Variants in CPNE4 observed in about 807,000 individuals in gnomAD.
CPNE4 encodes the protein copine-4.
A neutral mutation model predicts 67.9 loss-of-function variants in CPNE4; 25 were observed. The ratio of observed to expected loss-of-function variants is 0.37; its 90% CI spans 0.27 to 0.51. The LOEUF (loss-of-function observed/expected upper bound fraction) is 0.51, where lower values mean the gene tolerates loss of function less well. CPNE4 is among the 20% of genes least tolerant of loss of function. CPNE4 has a pLI of 0.93. For missense variants in CPNE4, 464 were observed against 690.8 expected (o/e 0.67, Z 3.68); for synonymous variants, 242 against 244.9 (o/e 0.99, Z 0.11).
intron 2 of CPNE4, among the ~76,000 whole-genome samples, chr3:131,760,138 T>A (rs1248611629): frequency 6.6e-6 from 1 of 152,214 alleles, no homozygotes; most frequent in Non-Finnish European, 1.5e-5. Flanking sequence ...CCATCATTAC[T>A]GGAATGCCAT....
intron 2 of CPNE4, among the ~76,000 whole-genome samples, chr3:131,746,598 G>A (rs1401434219): frequency 6.6e-6 from 1 of 152,146 alleles, no homozygotes; most frequent in Non-Finnish European, 1.5e-5. Flanking sequence ...ACAAATGACA[G>A]AAATTCATTC....
intron 1 of CPNE4, among the ~76,000 whole-genome samples, chr3:131,947,244 G>C (rs2071579186): frequency 6.6e-6 from 1 of 152,008 alleles, no homozygotes; most frequent in Non-Finnish European, 1.5e-5. Flanking sequence ...TATTTTTTAA[G>C]TTCTGGGAAA....
At chr3:131,872,490 T>A (rs1381236666) in intron 2 of CPNE4, among the ~76,000 whole-genome samples, 1 of 152,320 alleles carries the variant, frequency 6.6e-6, no homozygotes, top group East Asian at 1.9e-4. Context: ...TCAGCCTGTT[T>A]GTTCTACTCA....
chr3:132,011,854 A>T (rs1334279999), intron 1 of CPNE4, among the ~76,000 whole-genome samples: 2 of 152,178 alleles, frequency 1.3e-5, no homozygotes, highest in Non-Finnish European at 2.9e-5. Flanking sequence ...TTCTACAGGC[A>T]ACCTTATTAC....
At chr3:131,838,656 G>A (rs1044761809) in intron 2 of CPNE4, among the ~76,000 whole-genome samples, 2 of 151,308 alleles carry the variant, frequency 1.3e-5, no homozygotes, top group Non-Finnish European at 3.0e-5. Flanking sequence ...ACCTATATAA[G>A]AATCTCATAG....
chr3:131,846,859 T>A (rs1195390985), intron 2 of CPNE4, among the ~76,000 whole-genome samples: 1 of 152,196 alleles, frequency 6.6e-6, no homozygotes, highest in African/African-American at 2.4e-5. Flanking sequence ...AGGGCTTCCT[T>A]GCAGCATGAC....
In CPNE4 at chr3:131,699,916, G is replaced by C; in HGVS notation, c.425C>G (p.Ser142Cys). The C allele has an allele frequency of 6.2e-7, 1 of 1,613,050 alleles. No individual in the cohort carries two copies. Among genetic ancestry groups the C allele is most frequent in the African/African-American group, 1.3e-5 (1 of 75,036 alleles). The change falls in exon 4 of 16, where the codon TCC becomes TGC. Residue 142 changes from serine (S) to cysteine (C), a missense_variant. Physicochemically the swap from Ser to Cys is moderately radical, Grantham distance 112. Coordinates refer to ENST00000429747, the MANE Select transcript of CPNE4 (RefSeq NM_130808.3). ...LKHGNTAGKS[S>C]ITVIAEELSG... ...TAGGGAGTGCCTGCTTACCGTGATG[G>C]AAGATTTCCCTGCTGTGTTCCCATG...
At chr3:132,030,876 C>T (rs1209604591) in intron 1 of CPNE4, among the ~76,000 whole-genome samples, 3 of 152,106 alleles carry the variant, frequency 2.0e-5, no homozygotes, top group Non-Finnish European at 4.4e-5. Flanking sequence ...GAGTTTAACA[C>T]TAATTGAGGC....
intron 2 of CPNE4, among the ~76,000 whole-genome samples, chr3:131,872,181 C>CGTGT (rs138869759): frequency 1.3e-5 from 2 of 150,222 alleles, no homozygotes; most frequent in Non-Finnish European, 3.0e-5. Context: ...CATGTGTGTG[C>CGTGT]GTGTGTGTGT....
chr3:132,027,538 G>T (rs577710843), intron 1 of CPNE4, among the ~76,000 whole-genome samples: 1 of 151,924 alleles, frequency 6.6e-6, no homozygotes, highest in Non-Finnish European at 1.5e-5. Context: ...TTCACAATCA[G>T]TCAAGTCACA....
intron 2 of CPNE4, among the ~76,000 whole-genome samples, chr3:131,867,251 G>A (rs966204179): frequency 1.3e-5 from 2 of 152,182 alleles, no homozygotes; most frequent in Non-Finnish European, 2.9e-5. Flanking sequence ...TCCCTCACCC[G>A]CTCTTTGGGG....
intron 1 of CPNE4, among the ~76,000 whole-genome samples, chr3:132,031,888 T>C (rs2074243851): frequency 6.6e-6 from 1 of 152,198 alleles, no homozygotes; most frequent in Non-Finnish European, 1.5e-5. Context: ...ATAATCTAAT[T>C]ATTTAAAAGA....
chr3:131,956,123 T>G (rs1313005313), intron 1 of CPNE4, among the ~76,000 whole-genome samples: 1 of 152,214 alleles, frequency 6.6e-6, no homozygotes, highest in Admixed American at 6.5e-5. Flanking sequence ...ATGTTAGCAT[T>G]TTATTTAGGA....
At chr3:131,799,442 T>C (rs2107904944) in intron 2 of CPNE4, among the ~76,000 whole-genome samples, 1 of 152,324 alleles carries the variant, frequency 6.6e-6, no homozygotes, top group South Asian at 2.1e-4. Context: ...GCAAGAGTGG[T>C]TCACAGAATT....
intron 2 of CPNE4, among the ~76,000 whole-genome samples, chr3:131,889,059 T>G (rs2107736665): frequency 6.6e-6 from 1 of 152,334 alleles, no homozygotes; most frequent in Non-Finnish European, 1.5e-5. Context: ...ATTATCTCCC[T>G]TTAATATAAA....
At chr3:131,972,389 G>A (rs1041704987) in intron 1 of CPNE4, among the ~76,000 whole-genome samples, 1 of 152,170 alleles carries the variant, frequency 6.6e-6, no homozygotes, top group Non-Finnish European at 1.5e-5. Context: ...CTTTGTATGA[G>A]GTAAAGTGCA....
At chr3:131,805,690 C>T (rs1198517320) in intron 2 of CPNE4, among the ~76,000 whole-genome samples, 4 of 152,148 alleles carry the variant, frequency 2.6e-5, no homozygotes, top group Admixed American at 2.0e-4. Flanking sequence ...TGGGATTCCT[C>T]ACAGCTGGGT....
At chr3:131,722,852 T>C (rs1203215411) in intron 3 of CPNE4, among the ~76,000 whole-genome samples, 2 of 152,222 alleles carry the variant, frequency 1.3e-5, no homozygotes, top group Non-Finnish European at 2.9e-5. Flanking sequence ...GTCCTAACAC[T>C]GCTACTTATT....
chr3:131,734,073 A>T (rs1583104122), intron 2 of CPNE4, among the ~76,000 whole-genome samples: 2 of 152,270 alleles, frequency 1.3e-5, no homozygotes, highest in South Asian at 4.1e-4. Context: ...TCCTTCACCA[A>T]GTCCTTTAGA....
Sources: gnomAD v4.1 joint callset for allele counts (sites outside exome capture counted in the v4.1 genomes callset) on GRCh38, gnomAD v4.1.1 for gene constraint, MANE v1.5 for transcripts, NCBI Gene and HGNC (gene_info 2026-07-23, HGNC 2026-07-21) for gene names.